Variants in DMTN observed in about 807,000 individuals in gnomAD.
The protein encoded by DMTN is dematin.
In DMTN, 27 loss-of-function variants were observed where a neutral mutation model predicts 59.4. The ratio of observed to expected loss-of-function variants is 0.45; its 90% confidence interval spans 0.33 to 0.63. The LOEUF is 0.63. Among genes scored for constraint, DMTN ranks in the 20% least tolerant of loss-of-function variants. The pLI, the probability that DMTN is intolerant of heterozygous loss-of-function variation, is 0.02. For missense variants in DMTN, 451 were observed against 528.9 expected, an observed-to-expected ratio of 0.85 and a Z score of 1.45; for synonymous variants, 221 against 203.7, an observed-to-expected ratio of 1.08 and a Z score of -0.72.
intron 9 of DMTN, among the ~76,000 whole-genome samples, chr8:22,073,133 A>C (rs889581115): frequency 8.5e-5 from 13 of 152,232 alleles, no homozygotes; most frequent in African/African-American, 2.9e-4. Flanking sequence ...GTGACCTGGG[A>C]CAAGGACAGG....
upstream of DMTN, among the ~76,000 whole-genome samples, chr8:22,050,830 C>G (rs1018976004): frequency 6.6e-6 from 1 of 152,282 alleles, no homozygotes; most frequent in East Asian, 1.9e-4. Context: ...CCACACCTCT[C>G]GGCGCCTCTG....
intron 10 of DMTN, 120 bp downstream of exon 10, chr8:22,073,955 T>G (rs550174362): frequency 5.5e-6 from 4 of 728,468 alleles, no homozygotes; most frequent in Admixed American, 2.6e-5. Flanking sequence ...GGCTGCTCTC[T>G]TGGGAGCAAG....
chr8:22,082,093 G>T lies in DMTN; in HGVS notation c.*630G>T, dbSNP rs369489016. On this transcript the variant is annotated 3_prime_UTR_variant, in exon 16 of 16. Coordinates refer to ENST00000358242, the MANE Select transcript of DMTN (RefSeq NM_001387751.1). Reference sequence around the variant, plus strand: ...AGCCTGGGCTTAGGGTGGAGATGCCGCCTACACACGATCCTGGCCCTCCAC... The same window carrying T: ...AGCCTGGGCTTAGGGTGGAGATGCCTCCTACACACGATCCTGGCCCTCCAC... 2.4e-5 allele frequency: 11 copies of T among 456,544 alleles called. No individual in the cohort carries two copies. The highest frequency in any genetic ancestry group is 4.4e-6 in the Non-Finnish European group (1 of 226,946). The allele number at this position is 456,544 out of a possible 1,614,324, so 28.3% of individuals were successfully genotyped here.
chr8:22,052,615 A>G (rs556613054), upstream of DMTN, among the ~76,000 whole-genome samples: 12 of 152,184 alleles, frequency 7.9e-5, no homozygotes, highest in Non-Finnish European at 1.3e-4. Flanking sequence ...ATAAAAAGGC[A>G]ATTATTTGTT....
At chr8:22,049,778 T>A (rs1801156579), upstream of DMTN, among the ~76,000 whole-genome samples, 1 of 151,972 alleles carries the variant, frequency 6.6e-6, no homozygotes. Context: ...TCTCCTCCTC[T>A]CCCTCTTCTT....
intron 1 of DMTN, among the ~76,000 whole-genome samples, chr8:22,062,164 C>A (rs564989144): frequency 6.6e-6 from 1 of 152,152 alleles, no homozygotes; most frequent in African/African-American, 2.4e-5. Context: ...GATCATAGCT[C>A]ACTGCAGCCT....
At chr8:22,056,069 G>A (rs1194819334), upstream of DMTN, among the ~76,000 whole-genome samples, 1 of 152,168 alleles carries the variant, frequency 6.6e-6, no homozygotes, top group African/African-American at 2.4e-5. Context: ...CCAATGAGAG[G>A]CTCCTGGGGT....
chr8:22,069,434 C>A lies in DMTN; in HGVS notation c.310C>A (p.Arg104=). ...TGCTCTGCAGGTGTGGGCGGACAGC[C>A]GGTCGCCTGGAATCATCTCTCAGGC... ...PPSPEVWADS[R]SPGIISQASA... is the part of the protein sequence containing the mutation. The change falls in exon 6 of 16, where the codon CGG becomes AGG. Residue 104 remains arginine (R), a synonymous_variant. Coordinates refer to ENST00000358242, the MANE Select transcript of DMTN (RefSeq NM_001387751.1). 6.2e-7 allele frequency: 1 copy of A among 1,613,096 alleles called. No homozygotes were observed. The highest frequency in any genetic ancestry group is 8.5e-7 in the Non-Finnish European group (1 of 1,179,484).
At chr8:22,050,542 C>G (rs1445350353), upstream of DMTN, among the ~76,000 whole-genome samples, 1 of 151,812 alleles carries the variant, frequency 6.6e-6, no homozygotes, top group Non-Finnish European at 1.5e-5. Flanking sequence ...CTCCCTCCCT[C>G]TCTTTGACCT....
At chr8:22,068,806 A>G (rs1203850284) in intron 4 of DMTN, among the ~76,000 whole-genome samples, 2 of 152,144 alleles carry the variant, frequency 1.3e-5, no homozygotes, top group African/African-American at 4.8e-5. Flanking sequence ...AGTACTGAGC[A>G]AGGCTCGCGT....
intron 1 of DMTN, among the ~76,000 whole-genome samples, chr8:22,064,367 T>C (rs1485431408): frequency 6.6e-6 from 1 of 152,230 alleles, no homozygotes; most frequent in Non-Finnish European, 1.5e-5. Context: ...ATTAAAAGCA[T>C]TACAAAGCAA....
chr8:22,078,477 A>G (rs1037926353), intron 10 of DMTN, among the ~76,000 whole-genome samples: 5 of 127,138 alleles, frequency 3.9e-5, no homozygotes, highest in Non-Finnish European at 4.8e-5. Context: ...TTTTGAATCT[A>G]TGGAGGTTAA....
At chr8:22,078,140 G>A (rs764588508) in intron 10 of DMTN, among the ~76,000 whole-genome samples, 4 of 152,004 alleles carry the variant, frequency 2.6e-5, no homozygotes, top group Admixed American at 6.6e-5. Flanking sequence ...TGAGGCAGGT[G>A]GATCACCTGA....
At chr8:22,052,217 CATG>C, upstream of DMTN, among the ~76,000 whole-genome samples, 1 of 152,376 alleles carries the variant, frequency 6.6e-6, no homozygotes, top group East Asian at 1.9e-4. Context: ...CCAGAACTGT[CATG>C]ATGTATGTGC....
At chr8:22,068,131 G>A (rs1429241213) in intron 4 of DMTN, among the ~76,000 whole-genome samples, 1 of 152,222 alleles carries the variant, frequency 6.6e-6, no homozygotes, top group Non-Finnish European at 1.5e-5. Context: ...CTCCAAGACA[G>A]GGTAGCGTCG....
At chr8:22,069,155 C>A in intron 5 of DMTN, 95 bp downstream of exon 5, 2 of 1,420,344 alleles carry the variant, frequency 1.4e-6, no homozygotes, top group Non-Finnish European at 1.9e-6. Flanking sequence ...CTGCAGAGCC[C>A]AGGGAGTGCC....
chr8:22,056,706 G>A (rs376423801), upstream of DMTN, among the ~76,000 whole-genome samples: 13 of 152,152 alleles, frequency 8.5e-5, no homozygotes, highest in African/African-American at 1.9e-4. Flanking sequence ...GTGGAAGAGC[G>A]CGCACATCCA....
chr8:22,070,784 C>T (rs1385321897), intron 8 of DMTN, among the ~76,000 whole-genome samples: 1 of 152,144 alleles, frequency 6.6e-6, no homozygotes, highest in African/African-American at 2.4e-5. Flanking sequence ...TATCTGAATA[C>T]TGCACGTTGT....
chr8:22,079,269 A>ATATATATCT (rs1554562269), intron 10 of DMTN, among the ~76,000 whole-genome samples: 1 of 21,202 alleles, frequency 4.7e-5, no homozygotes, highest in African/African-American at 1.7e-4. Flanking sequence ...TAAATAAATA[A>ATATATATCT]ATAAATAAAT....
Sources: gnomAD v4.1 joint callset for allele counts (sites outside exome capture counted in the v4.1 genomes callset) on GRCh38, gnomAD v4.1.1 for gene constraint, MANE v1.5 for transcripts, NCBI Gene and HGNC (gene_info 2026-07-23, HGNC 2026-07-21) for gene names.